The following CACNA2D3 variants were observed in gnomAD, a reference collection of about 807,000 sequenced individuals.
CACNA2D3 encodes voltage-dependent calcium channel subunit alpha-2/delta-3.
In CACNA2D3, 60 loss-of-function variants were observed where a neutral mutation model predicts 160.6. The observed-to-expected ratio is 0.37, with a 90% CI of 0.30 to 0.46. The LOEUF (loss-of-function observed/expected upper bound fraction) is 0.46. CACNA2D3 is among the 20% of genes least tolerant of loss of function. The pLI is 1.00. For missense variants in CACNA2D3, 1,205 were observed against 1,365.0 expected, an observed-to-expected ratio of 0.88 and a Z score of 1.85; for synonymous variants, 558 against 492.9, an observed-to-expected ratio of 1.13 and a Z score of -1.75.
chr3:54,325,301 G>T (rs1356591699), intron 3 of CACNA2D3, among the ~76,000 whole-genome samples: 3 of 152,160 alleles, frequency 2.0e-5, no homozygotes, highest in Non-Finnish European at 4.4e-5. Context: ...TGTAATTTTG[G>T]TGCGGTACAT....
At position 54,900,235 on chromosome 3, in the gene CACNA2D3, G is replaced by C. The variant is rs185379046; in HGVS notation, c.2449+367G>C. Among the ~76,000 whole-genome samples, 268 of 152,238 alleles carry C rather than the reference G, an allele frequency of 1.8e-3. 3 individuals carry two copies. Among genetic ancestry groups the C allele is most frequent in the Admixed American group, 0.017 (255 of 15,296 alleles). ...ACAGTGGGCATACAAGGAAATTGCA[G>C]GTTTGTTTTAGGCAAACACAAACTG... On this transcript the variant is annotated intron_variant, in intron 27 of 37. Transcript: ENST00000474759.
At chr3:54,552,771 T>C (rs375279572) in intron 5 of CACNA2D3, among the ~76,000 whole-genome samples, 4 of 152,214 alleles carry the variant, frequency 2.6e-5, no homozygotes, top group African/African-American at 7.2e-5. Flanking sequence ...TTGTGAATGG[T>C]TTATTCCAGG....
chr3:55,051,059 G>C (rs565862249), intron 35 of CACNA2D3, among the ~76,000 whole-genome samples: 2 of 148,358 alleles, frequency 1.3e-5, no homozygotes, highest in East Asian at 3.9e-4. Context: ...ATGTCCTCCC[G>C]TAGCTCAGAG....
chr3:54,829,270 A>T (rs1703816197), intron 14 of CACNA2D3, among the ~76,000 whole-genome samples: 1 of 152,152 alleles, frequency 6.6e-6, no homozygotes, highest in Non-Finnish European at 1.5e-5. Context: ...GTCTCCAGAG[A>T]AAACATCCTC....
intron 25 of CACNA2D3, among the ~76,000 whole-genome samples, chr3:54,893,599 G>T (rs1700118401): frequency 1.3e-5 from 2 of 152,038 alleles, no homozygotes; most frequent in East Asian, 1.9e-4. Flanking sequence ...TTTTGCTTTT[G>T]ACTAGGGCAT....
intron 11 of CACNA2D3, among the ~76,000 whole-genome samples, chr3:54,715,464 T>G (rs1401211996): frequency 6.6e-6 from 1 of 152,006 alleles, no homozygotes; most frequent in Non-Finnish European, 1.5e-5. Context: ...TTATGTCCAC[T>G]TGTTTATTAA....
At chr3:54,798,855 C>T (rs1458374882) in intron 13 of CACNA2D3, among the ~76,000 whole-genome samples, 1 of 152,224 alleles carries the variant, frequency 6.6e-6, no homozygotes, top group East Asian at 1.9e-4. Context: ...TGTCTTGGGA[C>T]ATGTTCCCTG....
At chr3:54,478,384 G>A (rs1700866518) in intron 4 of CACNA2D3, among the ~76,000 whole-genome samples, 1 of 151,870 alleles carries the variant, frequency 6.6e-6, no homozygotes, top group Non-Finnish European at 1.5e-5. Flanking sequence ...TGTAATTCCA[G>A]CAGTTTGAGA....
intron 5 of CACNA2D3, among the ~76,000 whole-genome samples, chr3:54,554,434 T>C (rs1408034259): frequency 6.6e-6 from 1 of 152,180 alleles, no homozygotes; most frequent in African/African-American, 2.4e-5. Flanking sequence ...CTTGCCCTGA[T>C]AATTTAAGGA....
At chr3:55,064,813 T>A (rs1362248347) in intron 35 of CACNA2D3, among the ~76,000 whole-genome samples, 1 of 151,878 alleles carries the variant, frequency 6.6e-6, no homozygotes, top group Admixed American at 6.6e-5. Flanking sequence ...ATGTTCAGAG[T>A]TCATTGGAGA....
intron 2 of CACNA2D3, among the ~76,000 whole-genome samples, chr3:54,250,740 A>G (rs1702172511): frequency 1.3e-5 from 2 of 152,214 alleles, no homozygotes. Flanking sequence ...AAAAAGAACA[A>G]TAAATTCATT....
intron 16 of CACNA2D3, among the ~76,000 whole-genome samples, 158 bp from the exon 17 acceptor site, chr3:54,846,235 G>A (rs1441908743): frequency 6.6e-6 from 1 of 152,218 alleles, no homozygotes; most frequent in Non-Finnish European, 1.5e-5. Flanking sequence ...AAATGTCAAG[G>A]ATCAGTGCCT....
At chr3:54,378,430 A>G (rs7372585) in intron 3 of CACNA2D3, among the ~76,000 whole-genome samples, 57,518 of 152,012 alleles carry the variant, frequency 0.38, 11,246 homozygotes, top group African/African-American at 0.46. Flanking sequence ...CCTGCTGTGC[A>G]GCCCAGTTCC....
intron 24 of CACNA2D3, among the ~76,000 whole-genome samples, chr3:54,889,654 C>G (rs944239571): frequency 2.0e-5 from 3 of 152,112 alleles, no homozygotes; most frequent in Non-Finnish European, 4.4e-5. Flanking sequence ...GAAAGTCTCC[C>G]AAATGGAGAT....
intron 11 of CACNA2D3, among the ~76,000 whole-genome samples, chr3:54,654,592 G>A (rs866437777): frequency 2.6e-5 from 4 of 152,140 alleles, no homozygotes; most frequent in African/African-American, 9.7e-5. Flanking sequence ...CTAAAATTTA[G>A]AAGCTTGGGG....
At chr3:54,703,257 A>G (rs1700798417) in intron 11 of CACNA2D3, among the ~76,000 whole-genome samples, 1 of 152,130 alleles carries the variant, frequency 6.6e-6, no homozygotes, top group African/African-American at 2.4e-5. Context: ...AAAAAAGGAT[A>G]AAAAAATAAA....
At chr3:54,821,340 T>A (rs1703586111) in intron 14 of CACNA2D3, among the ~76,000 whole-genome samples, 1 of 152,238 alleles carries the variant, frequency 6.6e-6, no homozygotes, top group Non-Finnish European at 1.5e-5. Context: ...GCGTGTTTTG[T>A]TTCCTGTTAG....
Position 54,822,790 on chromosome 3 carries a change from C to CTTTCTTTCCTTT in CACNA2D3, c.1398+5920_1398+5921insTTTCTTTCCTTT, listed in dbSNP as rs1491160047. ...TCTTTCTTTCTTTCTTTCTTTCTTT[C>CTTTCTTTCCTTT]CTTTCTTTCTTTCTTTCTTTCTTTC... On this transcript the variant is annotated intron_variant, in intron 14 of 37. Transcript: ENST00000474759. Among the ~76,000 whole-genome samples, 83 of 71,864 alleles carry CTTTCTTTCCTTT rather than the reference C, an allele frequency of 1.2e-3. 1 individual carries two copies. The highest frequency in any genetic ancestry group is 2.7e-3 in the South Asian group (5 of 1,864). 47.1% of individuals were successfully genotyped at this position (71,864 alleles called of 152,430 possible).
At chr3:54,871,223 A>ACCCC (rs140137047) in intron 17 of CACNA2D3, among the ~76,000 whole-genome samples, 1 of 143,966 alleles carries the variant, frequency 6.9e-6, no homozygotes, top group African/African-American at 2.5e-5. Context: ...ACACACACAC[A>ACCCC]CCCCCCATTC....
Sources: gnomAD v4.1 joint callset for allele counts (sites outside exome capture counted in the v4.1 genomes callset) on GRCh38, gnomAD v4.1.1 for gene constraint, MANE v1.5 for transcripts, NCBI Gene and HGNC (gene_info 2026-07-23, HGNC 2026-07-21) for gene names.